Variants in PKD1L1 observed in about 807,000 individuals in gnomAD.
The protein encoded by PKD1L1 is polycystin-1-like protein 1.
PKD1L1 carries 236 observed loss-of-function variants against 323.4 expected under a neutral mutation model. The observed-to-expected ratio is 0.73, with a 90% CI of 0.66 to 0.81. The LOEUF is 0.81. PKD1L1 is among the 40% of genes least tolerant of loss of function. PKD1L1 has a pLI of 0.00. For synonymous variants in PKD1L1, 1,344 were observed against 1,335.0 expected (o/e 1.01, Z -0.15); for missense variants, 3,320 against 3,508.0 (o/e 0.95, Z 1.35).
the PKD1L1 span, among the ~76,000 whole-genome samples, chr7:47,958,901 C>T: frequency 3.9e-5 from 6 of 152,284 alleles, no homozygotes; most frequent in African/African-American, 9.6e-5. Flanking sequence ...GCTGCCATCT[C>T]GGCTCACTGC....
intron 13 of PKD1L1, among the ~76,000 whole-genome samples, chr7:47,901,589 C>T (rs892824723): frequency 1.3e-5 from 2 of 152,144 alleles, no homozygotes; most frequent in African/African-American, 4.8e-5. Context: ...CGCGTTCCCC[C>T]AGCACGCAGA....
At chr7:47,782,339 CACAGT>C (rs972211095) in intron 56 of PKD1L1, among the ~76,000 whole-genome samples, 1 of 152,188 alleles carries the variant, frequency 6.6e-6, no homozygotes, top group Admixed American at 6.5e-5. Flanking sequence ...AAAAAAAAAC[CACAGT>C]AACTTATGAA....
intron 3 of PKD1L1, among the ~76,000 whole-genome samples, chr7:47,937,763 C>T (rs1249323168): frequency 6.6e-6 from 1 of 152,112 alleles, no homozygotes; most frequent in African/African-American, 2.4e-5. Flanking sequence ...AGAGACAATG[C>T]CACTGGGCTT....
intron 5 of PKD1L1, among the ~76,000 whole-genome samples, 181 bp downstream of exon 5, chr7:47,931,755 G>A (rs1787775226): frequency 6.6e-6 from 1 of 152,204 alleles, no homozygotes; most frequent in Non-Finnish European, 1.5e-5. Flanking sequence ...CCTTACTGTG[G>A]TGACAAATTT....
intron 34 of PKD1L1, among the ~76,000 whole-genome samples, chr7:47,842,523 G>A (rs934974196): frequency 4.6e-5 from 7 of 152,064 alleles, no homozygotes; most frequent in African/African-American, 1.4e-4. Context: ...AGCTCACCGC[G>A]GCACCCCTGC....
rs756256131 is a variant in PKD1L1 at position 47,929,482 on chromosome 7, G to A, written c.782C>T (p.Thr261Met). The change falls in exon 7 of 57, where the codon ACG (threonine) becomes ATG (methionine). Residue 261 changes from threonine to methionine, a missense_variant. Coordinates refer to ENST00000289672, the MANE Select transcript of PKD1L1 (RefSeq NM_138295.5). ...PPGIPRTPSF[T>M]ASQSGSEILY... is the part of the protein sequence containing the mutation. Reference sequence around the variant, plus strand: ...GATCTCAGAACCAGACTGCGATGCCGTGAAGCTGGGGGTGCGAGGAATGCC... The same window carrying A: ...GATCTCAGAACCAGACTGCGATGCCATGAAGCTGGGGGTGCGAGGAATGCC... 4.3e-6 allele frequency: 7 copies of A among 1,614,120 alleles called. No homozygotes were observed. Among genetic ancestry groups the A allele is most frequent in the East Asian group, 2.2e-5 (1 of 44,888 alleles).
At chr7:47,882,193 A>C in intron 19 of PKD1L1, 108 bp from the exon 20 acceptor site, 1 of 1,115,316 alleles carries the variant, frequency 9.0e-7, no homozygotes, top group Non-Finnish European at 1.3e-6. Flanking sequence ...CTATTGCTGG[A>C]TACCGCCTAT....
intron 56 of PKD1L1, among the ~76,000 whole-genome samples, chr7:47,780,735 G>A (rs2128721207): frequency 6.6e-6 from 1 of 152,332 alleles, no homozygotes; most frequent in East Asian, 1.9e-4. Flanking sequence ...AGGTGGCTGT[G>A]TGGATCAATA....
chr7:47,947,552 A>T (rs759923138), intron 1 of PKD1L1, among the ~76,000 whole-genome samples: 13 of 152,238 alleles, frequency 8.5e-5, no homozygotes, highest in Non-Finnish European at 1.8e-4. Context: ...GAAAGGGGGC[A>T]TGGAGGTTTG....
intron 2 of PKD1L1, among the ~76,000 whole-genome samples, chr7:47,941,717 T>C (rs1241200523): frequency 6.6e-6 from 1 of 152,194 alleles, no homozygotes; most frequent in Admixed American, 6.5e-5. Flanking sequence ...ATTTAGAAAA[T>C]GTTTCGGAAT....
At position 47,893,867 on chromosome 7, in the gene PKD1L1, G is replaced by A. The variant is rs200764254; in HGVS notation, c.2453+11C>T. ...AGTAGCTGCGCAGCTCTGTGTGGGG[G>A]TGGTGCTCACCTGAGAGTCGCCCCA... On this transcript the variant is annotated intron_variant, in intron 15 of 56. Transcript: ENST00000289672. The A allele has an allele frequency of 6.2e-7, 1 of 1,611,176 alleles. No individual in the cohort carries two copies. Among genetic ancestry groups the A allele is most frequent in the Admixed American group, 1.7e-5 (1 of 59,682 alleles).
chr7:47,959,981 A>C, the PKD1L1 span, among the ~76,000 whole-genome samples: 1 of 151,852 alleles, frequency 6.6e-6, no homozygotes, highest in Admixed American at 6.6e-5. Flanking sequence ...ATGTCTGTGT[A>C]GAAAGAGGTG....
At chr7:47,866,683 G>T in intron 24 of PKD1L1, 69 bp from the exon 25 acceptor site, 1 of 1,345,542 alleles carries the variant, frequency 7.4e-7, no homozygotes, top group South Asian at 1.4e-5. Flanking sequence ...TGACTACCAA[G>T]AGTGGGATGG....
rs1041887839 is a variant in PKD1L1 at position 47,865,232 on chromosome 7, A to T, written c.4133T>A (p.Val1378Glu). ...TGCACTTACCTTATTAGAGAAGCTC[A>T]CGAGGTCCCTCAACATAAGAACAGA... ...IGSVLMLRDL[V>E]SFSNKLGFMS... Residue 1378 changes from valine (V) to glutamate (E), a missense_variant, in exon 26 of 57, where the codon GTG (valine) becomes GAG (glutamate). Coordinates refer to ENST00000289672, the MANE Select transcript of PKD1L1 (RefSeq NM_138295.5). 6.8e-6 allele frequency: 11 copies of T among 1,613,286 alleles called. No individual in the cohort carries two copies. The highest frequency in any genetic ancestry group is 9.3e-6 in the Non-Finnish European group (11 of 1,179,596).
intron 15 of PKD1L1, 119 bp from the exon 16 acceptor site, chr7:47,890,882 G>A: frequency 1.2e-6 from 1 of 826,124 alleles, no homozygotes; most frequent in Non-Finnish European, 1.9e-6. Context: ...GTGCTGGGAA[G>A]AGATATTGCT....
rs778206516 is a variant in PKD1L1 at position 47,800,905 on chromosome 7, C to T, written c.7963-26G>A. 1.2e-5 allele frequency: 19 copies of T among 1,593,280 alleles called. 1 individual carries two copies. In the Admixed American group the frequency reaches 3.0e-4, roughly 25 times the overall value. On this transcript the variant is annotated intron_variant, in intron 53 of 56. Coordinates refer to ENST00000289672, the MANE Select transcript of PKD1L1 (RefSeq NM_138295.5). ...CTGCAGAAAGAAAATCCAGAGAGCA[C>T]TGACCTTGTCACCTCTTCTTAGGAG...
Position 47,807,985 on chromosome 7 carries a change from G to A in PKD1L1, c.7827+262C>T, listed in dbSNP as rs543410268. On this transcript the variant is annotated intron_variant, in intron 52 of 56. Coordinates refer to ENST00000289672, the MANE Select transcript of PKD1L1 (RefSeq NM_138295.5). ...ACACCTGCTTCCTGTGCCCCTTAGC[G>A]TCCCCTGGAGGCACTGGGGGAATTC... Among the ~76,000 whole-genome samples, 15 of 152,238 alleles carry A rather than the reference G, an allele frequency of 9.9e-5. 1 individual carries two copies. The highest frequency in any genetic ancestry group is 3.1e-4 in the African/African-American group (13 of 41,530).
At chr7:47,959,776 C>A in the PKD1L1 span, among the ~76,000 whole-genome samples, 1 of 149,134 alleles carries the variant, frequency 6.7e-6, no homozygotes. Context: ...CGGCCAGCCG[C>A]CCCGTCCGGG....
Position 47,839,659 on chromosome 7 carries a change from A to T in PKD1L1, c.5556T>A (p.Ala1852=). The T allele has an allele frequency of 1.3e-6, 2 of 1,564,228 alleles. No individual in the cohort carries two copies. Among genetic ancestry groups the T allele is most frequent in the African/African-American group, 1.3e-5 (1 of 74,076 alleles). The change falls in exon 36 of 57, where the codon GCT becomes GCA. Residue 1852 remains alanine (A), a synonymous_variant. Transcript: ENST00000289672. The surrounding 1 kb of genome is among the most constrained non-coding windows in gnomAD (Gnocchi z 4.3). ...RNSRHTFILS[A]PAQLGLLRKI... ...TCCTCAGCAGGCCCAGTTGGGCAGG[A>T]GCGCTGGAGGCACACACAGCAGCAT...
Sources: allele counts gnomAD v4.1 joint callset (sites outside exome capture counted in the v4.1 genomes callset), GRCh38; gene constraint gnomAD v4.1.1; non-coding constraint Gnocchi (gnomAD v3.1); transcripts MANE v1.5; gene names NCBI Gene and HGNC (gene_info 2026-07-23, HGNC 2026-07-21).